BCL2: variants seen among roughly 807,000 people sequenced by gnomAD.
BCL2 encodes the protein apoptosis regulator Bcl-2.
BCL2 carries 1 observed loss-of-function variant against 14.2 expected under a neutral mutation model. The ratio of observed to expected loss-of-function variants is 0.07; its 90% CI spans 0.02 to 0.33. The LOEUF (loss-of-function observed/expected upper bound fraction) is 0.33. Ranked by LOEUF, BCL2 falls within the 10% of genes least tolerant of loss-of-function variation. The pLI, the probability that BCL2 is intolerant of heterozygous loss-of-function variation, is 0.99. For missense variants in BCL2, 247 were observed against 305.9 expected, an observed-to-expected ratio of 0.81 and a Z score of 1.44; for synonymous variants, 151 against 137.2, an observed-to-expected ratio of 1.10 and a Z score of -0.70.
chr18:63,318,445 G>A lies in BCL2; in HGVS notation c.222C>T (p.Thr74=), dbSNP rs1023815761. 2 of 1,471,654 alleles carry A rather than the reference G, an allele frequency of 1.4e-6. No homozygotes were observed. Among genetic ancestry groups the A allele is most frequent in the African/African-American group, 1.5e-5 (1 of 68,172 alleles). 91.2% of individuals were successfully genotyped at this position (1,471,654 alleles called of 1,614,324 possible). A position where few individuals can be genotyped will look rare whatever the true frequency, so the allele number is the denominator to read the frequency against. The part of the protein sequence containing the change: ...DPVARTSPLQ[T]PAAPGAAAGP... Reference sequence around the variant, plus strand: ...CCGCGGCGGCGCCGGGGGCAGCCGGGGTCTGCAGCGGCGAGGTCCTGGCGA... The same window carrying A: ...CCGCGGCGGCGCCGGGGGCAGCCGGAGTCTGCAGCGGCGAGGTCCTGGCGA... The change falls in exon 2 of 3, where the codon ACC becomes ACT. Residue 74 remains threonine (T), a synonymous_variant. Coordinates refer to ENST00000333681, the MANE Select transcript of BCL2 (RefSeq NM_000633.3). This position sits in a 1 kb window ranked among gnomAD's most constrained non-coding sequence, Gnocchi z 7.4.
rs192816078 is a variant in BCL2, at chr18:63,156,259, C to T, written c.586-27500G>A. 2.6e-5 allele frequency among the ~76,000 whole-genome samples: 4 copies of T among 152,216 alleles called. No individual in the cohort carries two copies. In the East Asian group the frequency reaches 5.8e-4, roughly 22 times the overall value. The stretch of plus-strand genomic sequence containing the variant: ...AAAATAAACTGCAAATAACTTTTCC[C>T]GTTTGTGTCAATCTAGTGCTTTCAA... On this transcript the variant is annotated intron_variant, in intron 2 of 2. Coordinates refer to ENST00000333681, the MANE Select transcript of BCL2 (RefSeq NM_000633.3).
At position 63,194,111 on chromosome 18, in the gene BCL2, A is replaced by G. The variant is rs77692456; in HGVS notation, c.586-65352T>C. On this transcript the variant is annotated intron_variant, in intron 2 of 2. Coordinates refer to ENST00000333681, the MANE Select transcript of BCL2 (RefSeq NM_000633.3). ...ATTTTTCGATACAGTTATTAGCACC[A>G]TCCAATCCCATATAAACCACAAACA... Among the ~76,000 whole-genome samples, 358 of 152,262 alleles carry G rather than the reference A, an allele frequency of 2.4e-3. 3 individuals carry two copies. Among genetic ancestry groups the G allele is most frequent in the African/African-American group, 8.4e-3 (349 of 41,544 alleles).
chr18:63,165,801 G>T (rs1459096878), intron 2 of BCL2, among the ~76,000 whole-genome samples: 2 of 152,194 alleles, frequency 1.3e-5, no homozygotes, highest in Non-Finnish European at 2.9e-5. Flanking sequence ...TGCAGGGGAG[G>T]GGGGTGGAAT....
intron 2 of BCL2, chr18:63,314,239 A>G (rs1359286855): frequency 6.6e-6 from 1 of 152,210 alleles, no homozygotes; most frequent in Non-Finnish European, 1.5e-5. Flanking sequence ...TTTTAATCCT[A>G]TCGTCTTGCT....
chr18:63,317,997 T>C (rs1599310430), intron 2 of BCL2, 85 bp downstream of exon 2: 1 of 1,533,438 alleles, frequency 6.5e-7, no homozygotes, highest in Non-Finnish European at 8.8e-7. Flanking sequence ...CAGCCTCCCA[T>C]TGCCCCAGGA....
At chr18:63,275,608 G>A (rs1363355881) in intron 2 of BCL2, among the ~76,000 whole-genome samples, 1 of 152,210 alleles carries the variant, frequency 6.6e-6, no homozygotes, top group Non-Finnish European at 1.5e-5. Context: ...AAAAGGACTT[G>A]CTTAAGTAGT....
chr18:63,173,361 C>T (rs1915272886), intron 2 of BCL2, among the ~76,000 whole-genome samples: 1 of 152,216 alleles, frequency 6.6e-6, no homozygotes, highest in African/African-American at 2.4e-5. Context: ...CCGACTCTAC[C>T]TGAACATTTT....
At chr18:63,300,595 A>G (rs1297020817) in intron 2 of BCL2, among the ~76,000 whole-genome samples, 2 of 152,108 alleles carry the variant, frequency 1.3e-5, no homozygotes, top group Non-Finnish European at 2.9e-5. Flanking sequence ...TAAACTTTTA[A>G]AAAATTTTAA....
intron 2 of BCL2, among the ~76,000 whole-genome samples, chr18:63,141,066 A>C (rs571109324): frequency 1.3e-5 from 2 of 152,056 alleles, no homozygotes; most frequent in South Asian, 4.1e-4. Context: ...CATGAGCAGC[A>C]ATCGGGGCAC....
intron 2 of BCL2, among the ~76,000 whole-genome samples, chr18:63,253,318 C>T (rs1350786590): frequency 1.3e-5 from 2 of 152,250 alleles, no homozygotes; most frequent in African/African-American, 4.8e-5. Flanking sequence ...CCTGACACTA[C>T]ACTGATCGCC....
chr18:63,199,897 CG>C (rs1283259726), intron 2 of BCL2, among the ~76,000 whole-genome samples: 7 of 151,888 alleles, frequency 4.6e-5, no homozygotes, highest in Admixed American at 2.6e-4. Context: ...TACGGTAGCA[CG>C]GACCAAAACC....
At chr18:63,182,327 G>A (rs112821705) in intron 2 of BCL2, among the ~76,000 whole-genome samples, 1 of 152,182 alleles carries the variant, frequency 6.6e-6, no homozygotes, top group Non-Finnish European at 1.5e-5. Context: ...AGGCTGAAGA[G>A]GGTCTGGCCA....
chr18:63,136,481 G>T (rs1317265111), intron 2 of BCL2, among the ~76,000 whole-genome samples: 5 of 152,222 alleles, frequency 3.3e-5, no homozygotes, highest in Admixed American at 3.3e-4. Context: ...CATGGCCATA[G>T]GTTAGACTCC....
chr18:63,260,028 C>T (rs1465985699), intron 2 of BCL2, among the ~76,000 whole-genome samples: 2 of 152,224 alleles, frequency 1.3e-5, no homozygotes, highest in Non-Finnish European at 2.9e-5. Flanking sequence ...GAAGACCAAA[C>T]CCTTAGACTC....
At chr18:63,194,186 C>T (rs1909376382) in intron 2 of BCL2, among the ~76,000 whole-genome samples, 1 of 151,974 alleles carries the variant, frequency 6.6e-6, no homozygotes, top group African/African-American at 2.4e-5. Context: ...AAAGTGTCTG[C>T]CAGATAGTAG....
intron 2 of BCL2, among the ~76,000 whole-genome samples, chr18:63,138,287 G>T (rs1914263945): frequency 6.6e-6 from 1 of 152,236 alleles, no homozygotes; most frequent in African/African-American, 2.4e-5. Flanking sequence ...TGGTGAGGAA[G>T]TGACTCCATT....
intron 2 of BCL2, among the ~76,000 whole-genome samples, chr18:63,140,500 A>C (rs1350249740): frequency 2.0e-5 from 3 of 152,262 alleles, no homozygotes; most frequent in Non-Finnish European, 1.5e-5. Context: ...ATGCAACAAC[A>C]TGGATGACCC....
intron 2 of BCL2, among the ~76,000 whole-genome samples, chr18:63,161,396 T>C (rs1248849721): frequency 6.6e-6 from 1 of 152,202 alleles, no homozygotes; most frequent in Non-Finnish European, 1.5e-5. Flanking sequence ...TTCTTTTTGC[T>C]CAGATGATCT....
rs1474315560 is a variant in BCL2 at position 63,128,711 on chromosome 18, A to G, written c.634T>C (p.Phe212Leu). The change falls in exon 3 of 3, where the codon TTC becomes CTC. Residue 212 changes from phenylalanine to leucine, a missense_variant. Phe to Leu is a conservative substitution (Grantham distance 22, BLOSUM62 0). Coordinates refer to ENST00000333681, the MANE Select transcript of BCL2 (RefSeq NM_000633.3). ...YGPSMRPLFD[F>L]SWLSLKTLLS... The stretch of plus-strand genomic sequence containing the variant: ...AGAGTCTTCAGAGACAGCCAGGAGA[A>G]ATCAAACAGAGGCCGCATGCTGGGG... 2.6e-6 allele frequency: 2 copies of G among 781,050 alleles called. No homozygotes were observed. The allele number at this position is 781,050 out of a possible 1,614,324, so 48.4% of individuals were successfully genotyped here.
Sources: allele counts gnomAD v4.1 joint callset (sites outside exome capture counted in the v4.1 genomes callset), GRCh38; gene constraint gnomAD v4.1.1; non-coding constraint Gnocchi (gnomAD v3.1); transcripts MANE v1.5; gene names NCBI Gene and HGNC (gene_info 2026-07-23, HGNC 2026-07-21).